The following SRGAP2B variants were observed in gnomAD, a reference collection of about 807,000 sequenced individuals.
The protein encoded by SRGAP2B is SLIT-ROBO Rho GTPase-activating protein 2B.
In SRGAP2B, 9 loss-of-function variants were observed where a neutral mutation model predicts 22.2. The ratio of observed to expected loss-of-function variants is 0.41; its 90% CI spans 0.24 to 0.71. SRGAP2B has a LOEUF of 0.71. Ranked by LOEUF, SRGAP2B falls within the 30% of genes least tolerant of loss-of-function variation. SRGAP2B has a pLI of 0.35. For synonymous variants in SRGAP2B, 36 were observed against 87.4 expected, an observed-to-expected ratio of 0.41 and a Z score of 3.28; for missense variants, 114 against 235.8, an observed-to-expected ratio of 0.48 and a Z score of 3.38.
intron 4 of SRGAP2B, among the ~76,000 whole-genome samples, chr1:144,933,422 C>G (rs1665359957): frequency 6.8e-6 from 1 of 147,824 alleles, no homozygotes; most frequent in Non-Finnish European, 1.5e-5. Context: ...GGGGTGTACC[C>G]TCTATAGATT....
rs1300313711 is a variant in SRGAP2B at position 145,007,084 on chromosome 1, G to T, written c.68-11884C>A. ...ATAAAAGAGATGGAGAATATAAAGT[G>T]CTTGCTACATGCCTGATGCCTAGTA... On this transcript the variant is annotated intron_variant, in intron 2 of 9. Coordinates refer to ENST00000612199, the Ensembl canonical transcript of SRGAP2B. Among the ~76,000 whole-genome samples, 6 of 150,162 alleles carry T rather than the reference G, an allele frequency of 4.0e-5. No homozygotes were observed. In the South Asian group the frequency reaches 1.3e-3, roughly 31 times the overall value.
chr1:145,081,264 C>T (rs1398189569), intron 2 of SRGAP2B, among the ~76,000 whole-genome samples: 1 of 148,752 alleles, frequency 6.7e-6, no homozygotes, highest in Non-Finnish European at 1.5e-5. Context: ...TTCATGAGTT[C>T]ATATATGTAA....
intron 2 of SRGAP2B, among the ~76,000 whole-genome samples, chr1:145,009,040 G>A (rs1190998761): frequency 6.8e-6 from 1 of 147,370 alleles, no homozygotes; most frequent in African/African-American, 2.6e-5. Flanking sequence ...AGCTGGGCGT[G>A]GTGGCGGGCG....
chr1:144,994,863 A>T (rs1373607524), intron 3 of SRGAP2B, 145 bp downstream of exon 3: 5 of 588,502 alleles, frequency 8.5e-6, no homozygotes, highest in Non-Finnish European at 1.4e-5. Context: ...ACTGATCTGG[A>T]AAATGAGAAG....
chr1:145,015,679 C>G (rs1204330529), intron 2 of SRGAP2B, among the ~76,000 whole-genome samples: 4 of 146,868 alleles, frequency 2.7e-5, no homozygotes, highest in Non-Finnish European at 5.9e-5. Context: ...CTCCAGCCAA[C>G]AGCATGTTCA....
chr1:144,947,515 G>A (rs1412043666), intron 4 of SRGAP2B, among the ~76,000 whole-genome samples: 7 of 150,496 alleles, frequency 4.7e-5, no homozygotes, highest in South Asian at 2.1e-4. Context: ...AAAAGGACAC[G>A]TTTAACATCT....
chr1:144,966,617 A>C (rs1553612298), intron 3 of SRGAP2B, among the ~76,000 whole-genome samples: 1 of 146,572 alleles, frequency 6.8e-6, no homozygotes, highest in Non-Finnish European at 1.5e-5. Context: ...CATCATAATG[A>C]CAGGATCAAA....
rs1352604186 is a variant in SRGAP2B at position 144,950,829 on chromosome 1, C to T, written c.423+4610G>A. Among the ~76,000 whole-genome samples, 4 of 150,744 alleles carry T rather than the reference C, an allele frequency of 2.7e-5. 1 individual carries two copies. The highest frequency in any genetic ancestry group is 5.9e-5 in the Non-Finnish European group (4 of 67,964). ...CTGGAGTTAAACGTTAGCTTCATTT[C>T]GTTTTTCTTAATCTCTCTCTCTCTC... On this transcript the variant is annotated intron_variant, in intron 4 of 9. Coordinates refer to ENST00000612199, the Ensembl canonical transcript of SRGAP2B.
At chr1:144,974,041 C>T (rs1462025995) in intron 3 of SRGAP2B, among the ~76,000 whole-genome samples, 2 of 151,126 alleles carry the variant, frequency 1.3e-5, no homozygotes, top group East Asian at 1.9e-4. Context: ...GGTCCCTAGT[C>T]CTAGATGGAA....
Position 145,076,579 on chromosome 1 carries a change from C to T in SRGAP2B, c.67+16256G>A, listed in dbSNP as rs587760528. Reference sequence around the variant, plus strand: ...CTAAAAAGCTACATGCTAATGGTTCCGTTTTTATAATATTCTTGAAATGAC... The same window carrying T: ...CTAAAAAGCTACATGCTAATGGTTCTGTTTTTATAATATTCTTGAAATGAC... On this transcript the variant is annotated intron_variant, in intron 2 of 9. Coordinates refer to ENST00000612199, the Ensembl canonical transcript of SRGAP2B. Among the ~76,000 whole-genome samples, 8 of 148,154 alleles carry T rather than the reference C, an allele frequency of 5.4e-5. 1 individual carries two copies. The highest frequency in any genetic ancestry group is 4.2e-4 in the South Asian group (2 of 4,720).
intron 2 of SRGAP2B, among the ~76,000 whole-genome samples, chr1:145,013,723 C>T (rs1285306694): frequency 6.7e-6 from 1 of 149,020 alleles, no homozygotes; most frequent in Non-Finnish European, 1.5e-5. Context: ...CTTCACACTG[C>T]TAACCGCAAT....
chr1:145,064,799 G>A (rs1194452099), intron 2 of SRGAP2B, among the ~76,000 whole-genome samples: 1 of 149,358 alleles, frequency 6.7e-6, no homozygotes, highest in East Asian at 2.0e-4. Context: ...CAAAATGAAT[G>A]AAAGAGATAA....
chr1:144,932,423 C>G lies in SRGAP2B; in HGVS notation c.424-17669G>C, dbSNP rs1391013238. Among the ~76,000 whole-genome samples the G allele has an allele frequency of 6.0e-5, 9 of 151,170 alleles. 1 individual carries two copies. Among genetic ancestry groups the G allele is most frequent in the African/African-American group, 2.2e-4 (9 of 40,552 alleles). On this transcript the variant is annotated intron_variant, in intron 4 of 9. Transcript: ENST00000612199. Reference sequence around the variant, plus strand: ...TAGCTTGTAGATGGGGTGGACTCGTCAGTTCCGCATTCCTCCTGGCATTAG... The same window carrying G: ...TAGCTTGTAGATGGGGTGGACTCGTGAGTTCCGCATTCCTCCTGGCATTAG...
intron 2 of SRGAP2B, among the ~76,000 whole-genome samples, chr1:145,022,650 T>G (rs1292379304): frequency 6.6e-6 from 1 of 150,560 alleles, no homozygotes; most frequent in Non-Finnish European, 1.5e-5. Context: ...TCTGAATGGC[T>G]AATGTGCATC....
At chr1:144,952,394 A>G (rs1395292814) in intron 4 of SRGAP2B, among the ~76,000 whole-genome samples, 1 of 147,076 alleles carries the variant, frequency 6.8e-6, no homozygotes, top group East Asian at 2.0e-4. Flanking sequence ...GTGCAAGGAC[A>G]CTCTAAACAA....
At chr1:145,088,539 A>T (rs1426963441) in intron 2 of SRGAP2B, among the ~76,000 whole-genome samples, 2 of 137,330 alleles carry the variant, frequency 1.5e-5, no homozygotes, top group Non-Finnish European at 3.1e-5. Flanking sequence ...GTTTCAGACT[A>T]TTTCTTCTGG....
intron 2 of SRGAP2B, among the ~76,000 whole-genome samples, chr1:145,009,460 CGCCT>C: frequency 6.8e-6 from 1 of 146,064 alleles, no homozygotes; most frequent in South Asian, 2.1e-4. Context: ...TAGTGGCGGG[CGCCT>C]GTAGTCCCAG....
At chr1:145,007,053 T>A (rs1465498068) in intron 2 of SRGAP2B, among the ~76,000 whole-genome samples, 1 of 149,866 alleles carries the variant, frequency 6.7e-6, no homozygotes, top group Non-Finnish European at 1.5e-5. Context: ...TGGATTGTTA[T>A]GAAGAATAAA....
intron 2 of SRGAP2B, among the ~76,000 whole-genome samples, chr1:145,023,147 C>T (rs1647344876): frequency 7.2e-6 from 1 of 138,466 alleles, no homozygotes; most frequent in Non-Finnish European, 1.6e-5. Context: ...AGCCTGGTGA[C>T]AGAGTGAGAC....
Sources: allele counts gnomAD v4.1 joint callset (sites outside exome capture counted in the v4.1 genomes callset), GRCh38; gene constraint gnomAD v4.1.1; transcripts MANE v1.5; gene names NCBI Gene and HGNC (gene_info 2026-07-23, HGNC 2026-07-21).